Variants in RGS9 observed in about 807,000 individuals in gnomAD.
The protein encoded by RGS9 is regulator of G-protein signalling 9.
Under a neutral mutation model 102.0 loss-of-function variants are expected in RGS9, and 78 were observed. The ratio of observed to expected loss-of-function variants is 0.76; its 90% CI spans 0.64 to 0.92. The LOEUF (loss-of-function observed/expected upper bound fraction) is 0.92, where lower values mean the gene tolerates loss of function less well. RGS9 is among the 40% of genes least tolerant of loss of function. The probability of loss-of-function intolerance (pLI) is 0.00; values close to 1 mark genes in which losing one functional copy is unlikely to be tolerated. For missense variants in RGS9, 833 were observed against 866.1 expected (o/e 0.96, Z 0.48); for synonymous variants, 353 against 318.6 (o/e 1.11, Z -1.15).
chr17:65,224,094 C>A (rs536008491), intron 17 of RGS9, among the ~76,000 whole-genome samples: 1 of 152,170 alleles, frequency 6.6e-6, no homozygotes, highest in Non-Finnish European at 1.5e-5. Context: ...CCACAGCAGG[C>A]CTTTAGGAGG....
chr17:65,175,906 A>C (rs1293862106), intron 8 of RGS9, among the ~76,000 whole-genome samples: 1 of 152,242 alleles, frequency 6.6e-6, no homozygotes, highest in Non-Finnish European at 1.5e-5. Context: ...GTATAAATAT[A>C]TAATAAGCAT....
intron 1 of RGS9, among the ~76,000 whole-genome samples, chr17:65,144,380 A>G (rs1910274381): frequency 2.0e-5 from 3 of 152,204 alleles, no homozygotes; most frequent in Admixed American, 2.0e-4. Flanking sequence ...GAGCCATCAA[A>G]GCCCTCATTT....
intron 2 of RGS9, among the ~76,000 whole-genome samples, chr17:65,156,051 T>C (rs967169382): frequency 1.3e-5 from 2 of 152,030 alleles, no homozygotes; most frequent in Admixed American, 6.6e-5. Context: ...TGAGACAGGG[T>C]CTTTCTCTGT....
chr17:65,226,750 T>G (rs1236346625), intron 18 of RGS9, among the ~76,000 whole-genome samples: 1 of 151,982 alleles, frequency 6.6e-6, no homozygotes, highest in Non-Finnish European at 1.5e-5. Flanking sequence ...GTAGCTGAAA[T>G]CACAGGCACA....
rs143246081 is a variant in RGS9, at chr17:65,219,403, C to T, written c.1408-5599C>T. Among the ~76,000 whole-genome samples, 73 of 152,324 alleles carry T rather than the reference C, an allele frequency of 4.8e-4. 1 individual carries two copies. In the East Asian group the frequency reaches 0.012, roughly 24 times the overall value. ...GCTAATGTTTAAACTATGTGTCCCA[C>T]AGGGCCCGTTGAAATCCCAAATAGC... On this transcript the variant is annotated intron_variant, in intron 17 of 18. Transcript: ENST00000262406.
At chr17:65,163,139 C>T in intron 7 of RGS9, 50 bp downstream of exon 7, 1 of 845,652 alleles carries the variant, frequency 1.2e-6, no homozygotes, top group East Asian at 2.7e-5. Context: ...TCCTCCCTCT[C>T]TTCCTTCTTT....
At position 65,144,108 on chromosome 17, in the gene RGS9, G is replaced by A. The variant is rs368531424; in HGVS notation, c.57+6511G>A. Among the ~76,000 whole-genome samples the A allele has an allele frequency of 1.6e-4, 24 of 152,294 alleles. 1 individual carries two copies. Among genetic ancestry groups the A allele is most frequent in the African/African-American group, 5.5e-4 (23 of 41,568 alleles). On this transcript the variant is annotated intron_variant, in intron 1 of 18. Transcript: ENST00000262406. ...GCCTCATGAGTGTCTGAGCGTCTGC[G>A]AGACATCGGGTGAGACAGCGGGAGG...
intron 1 of RGS9, among the ~76,000 whole-genome samples, chr17:65,153,081 G>A (rs1211601210): frequency 2.0e-5 from 3 of 152,324 alleles, no homozygotes; most frequent in African/African-American, 2.4e-5. Flanking sequence ...AACCCTGGGA[G>A]CTGTCATCCT....
intron 17 of RGS9, among the ~76,000 whole-genome samples, chr17:65,215,023 G>T (rs1379032750): frequency 6.6e-6 from 1 of 152,222 alleles, no homozygotes; most frequent in Non-Finnish European, 1.5e-5. Flanking sequence ...TTAAAAAGGA[G>T]AGTTAGTGTC....
At chr17:65,215,758 A>G (rs142877828) in intron 17 of RGS9, among the ~76,000 whole-genome samples, 1,706 of 151,846 alleles carry the variant, frequency 0.011, 30 homozygotes, top group African/African-American at 0.04. Flanking sequence ...ACAGGGTTTC[A>G]CCATGTTGGC....
intron 1 of RGS9, among the ~76,000 whole-genome samples, chr17:65,146,199 T>C (rs1250880187): frequency 6.6e-6 from 1 of 152,222 alleles, no homozygotes; most frequent in Non-Finnish European, 1.5e-5. Flanking sequence ...CCTGCTTTTA[T>C]AACATGCTGC....
Position 65,196,940 on chromosome 17 carries a change from C to T in RGS9, c.861-186C>T, listed in dbSNP as rs543470279. ...ATGGTCATGTCTTTGATGTGAGCCC[C>T]GGGGGACTTGTCTGTGGCTGCATCT... On this transcript the variant is annotated intron_variant, in intron 12 of 18. Transcript: ENST00000262406. 1.3e-3 allele frequency among the ~76,000 whole-genome samples: 194 copies of T among 152,292 alleles called. 3 individuals are homozygous for T. The highest frequency in any genetic ancestry group is 0.01 in the South Asian group (49 of 4,814).
rs374456012 is a variant in RGS9 at position 65,210,510 on chromosome 17, C to T, written c.1312C>T (p.Arg438Cys). 1.8e-5 allele frequency: 29 copies of T among 1,613,500 alleles called. No individual in the cohort carries two copies. Among genetic ancestry groups the T allele is most frequent in the Non-Finnish European group, 2.2e-5 (26 of 1,180,008 alleles). Residue 438 changes from arginine to cysteine, a missense_variant, in exon 17 of 19, where the codon CGT becomes TGT. Transcript: ENST00000262406. Reference protein sequence around the residue: ...KKSSTLPFMRRHLRSSPSPVI... With the variant: ...KKSSTLPFMRCHLRSSPSPVI... The stretch of plus-strand genomic sequence containing the variant: ...CAGCTCCACCCTCCCTTTTATGCGG[C>T]GTCACCTGCGCTCCAGCCCAAGCCC...
At chr17:65,204,375 A>C (rs1033410225) in intron 15 of RGS9, 74 bp downstream of exon 15, 6 of 1,548,262 alleles carry the variant, frequency 3.9e-6, no homozygotes. Flanking sequence ...AATTCTTTAG[A>C]TATAGGAAAA....
intron 17 of RGS9, among the ~76,000 whole-genome samples, chr17:65,219,500 G>T (rs1320183000): frequency 6.6e-6 from 1 of 152,172 alleles, no homozygotes; most frequent in Non-Finnish European, 1.5e-5. Context: ...CTATTATGCC[G>T]TGTCCTTAGA....
At chr17:65,201,852 G>C in intron 13 of RGS9, 141 bp from the exon 14 acceptor site, 1 of 671,782 alleles carries the variant, frequency 1.5e-6, no homozygotes, top group Non-Finnish European at 2.8e-6. Context: ...ATGTGCAATA[G>C]CTTGTTCTGC....
intron 1 of RGS9, among the ~76,000 whole-genome samples, chr17:65,150,429 C>T (rs753057190): frequency 1.3e-5 from 2 of 151,960 alleles, no homozygotes; most frequent in Non-Finnish European, 2.9e-5. Flanking sequence ...CGAGACCAGC[C>T]TGGCCAACAT....
At chr17:65,164,386 T>G (rs1371113166) in intron 7 of RGS9, among the ~76,000 whole-genome samples, 2 of 152,108 alleles carry the variant, frequency 1.3e-5, no homozygotes, top group Admixed American at 6.6e-5. Flanking sequence ...GGTTGGTGGG[T>G]GGGGACATAG....
chr17:65,155,762 G>A (rs907229512), intron 2 of RGS9, among the ~76,000 whole-genome samples: 1 of 152,186 alleles, frequency 6.6e-6, no homozygotes, highest in Non-Finnish European at 1.5e-5. Flanking sequence ...ACGAGTGCAG[G>A]AAGGAAGTGA....
Sources: gnomAD v4.1 joint callset for allele counts (sites outside exome capture counted in the v4.1 genomes callset) on GRCh38, gnomAD v4.1.1 for gene constraint, MANE v1.5 for transcripts, NCBI Gene and HGNC (gene_info 2026-07-23, HGNC 2026-07-21) for gene names.